Variants in DTNA observed in about 807,000 individuals in gnomAD.
DTNA encodes dystrobrevin alpha, also known as dystrophin-related protein 3.
A neutral mutation model predicts 100.7 loss-of-function variants in DTNA; 43 were observed. The observed-to-expected ratio is 0.43, with a 90% CI of 0.33 to 0.55. The LOEUF (loss-of-function observed/expected upper bound fraction) is 0.55, where lower values mean the gene tolerates loss of function less well. Ranked by LOEUF, DTNA falls within the 20% of genes least tolerant of loss-of-function variation. The pLI, the probability that DTNA is intolerant of heterozygous loss-of-function variation, is 0.04. For synonymous variants in DTNA, 349 were observed against 347.9 expected (o/e 1.00, Z -0.04); for missense variants, 798 against 953.9 (o/e 0.84, Z 2.15).
intron 15 of DTNA, among the ~76,000 whole-genome samples, chr18:34,857,500 G>A (rs564923132): frequency 6.6e-6 from 1 of 152,238 alleles, no homozygotes; most frequent in Non-Finnish European, 1.5e-5. Context: ...TGCCTTGCCA[G>A]GTCACATATC....
chr18:34,846,505 T>C (rs2096381115), intron 13 of DTNA, among the ~76,000 whole-genome samples: 1 of 152,088 alleles, frequency 6.6e-6, no homozygotes. Flanking sequence ...AGTTGTTAGA[T>C]AAGGAAATTC....
intron 3 of DTNA, among the ~76,000 whole-genome samples, chr18:34,770,786 T>TTTC (rs1488405287): frequency 8.5e-6 from 1 of 118,094 alleles, no homozygotes; most frequent in African/African-American, 2.8e-5. Context: ...ATTATATTCT[T>TTTC]TTTTTTTTTT....
chr18:34,660,113 G>A (rs923419379), intron 1 of DTNA, among the ~76,000 whole-genome samples: 1 of 152,180 alleles, frequency 6.6e-6, no homozygotes, highest in African/African-American at 2.4e-5. Context: ...TGACATTTGA[G>A]CTACAGGCAT....
intron 16 of DTNA, among the ~76,000 whole-genome samples, chr18:34,862,291 C>A: frequency 6.6e-6 from 1 of 151,704 alleles, no homozygotes; most frequent in Non-Finnish European, 1.5e-5. Flanking sequence ...TGTTTCTCAT[C>A]CTCTGGATTC....
chr18:34,740,736 C>T (rs554033524), intron 1 of DTNA, among the ~76,000 whole-genome samples: 41 of 151,602 alleles, frequency 2.7e-4, no homozygotes, highest in African/African-American at 9.2e-4. Flanking sequence ...GTCAAGGCTG[C>T]AATGAACTAT....
chr18:34,609,121 A>T (rs2053700186), intron 1 of DTNA, among the ~76,000 whole-genome samples: 1 of 152,196 alleles, frequency 6.6e-6, no homozygotes, highest in Non-Finnish European at 1.5e-5. Context: ...AAGCCCACAC[A>T]ATTCTCATAG....
At chr18:34,504,698 T>C (rs761688456) in intron 1 of DTNA, among the ~76,000 whole-genome samples, 2 of 152,354 alleles carry the variant, frequency 1.3e-5, no homozygotes, top group Non-Finnish European at 2.9e-5. Context: ...GAAAATCCAT[T>C]GTCATTCTAA....
At chr18:34,525,987 T>C (rs2145357792) in intron 1 of DTNA, among the ~76,000 whole-genome samples, 1 of 152,248 alleles carries the variant, frequency 6.6e-6, no homozygotes, top group South Asian at 2.1e-4. Context: ...TGTCCTAGAA[T>C]TGTAAGGGCA....
intron 1 of DTNA, among the ~76,000 whole-genome samples, chr18:34,529,910 A>G (rs901009363): frequency 6.6e-6 from 1 of 152,120 alleles, no homozygotes; most frequent in African/African-American, 2.4e-5. Flanking sequence ...TCTCTTAACC[A>G]AAGTTTTAGT....
chr18:34,619,845 AGT>A (rs1480761794), intron 1 of DTNA, among the ~76,000 whole-genome samples: 23 of 152,340 alleles, frequency 1.5e-4, no homozygotes, highest in South Asian at 8.3e-4. Context: ...GAGCAGTATG[AGT>A]TATCCCAAGA....
chr18:34,766,794 ATTTAAG>A (rs947942517), intron 3 of DTNA, among the ~76,000 whole-genome samples: 1 of 152,252 alleles, frequency 6.6e-6, no homozygotes, highest in African/African-American at 2.4e-5. Flanking sequence ...TTTGGAAAAC[ATTTAAG>A]TTTTTTTCTG....
At chr18:34,497,086 T>C (rs1448768643) in intron 1 of DTNA, among the ~76,000 whole-genome samples, 1 of 152,258 alleles carries the variant, frequency 6.6e-6, no homozygotes, top group African/African-American at 2.4e-5. Flanking sequence ...TTAGGTTTAA[T>C]GTAATATAGT....
At chr18:34,883,293 C>G (rs2052384426) in intron 21 of DTNA, among the ~76,000 whole-genome samples, 1 of 151,726 alleles carries the variant, frequency 6.6e-6, no homozygotes. Flanking sequence ...TCTGCACATT[C>G]TTTTGTTTTT....
At chr18:34,755,592 T>C in intron 1 of DTNA, 1 of 246,368 alleles carries the variant, frequency 4.1e-6, no homozygotes, top group South Asian at 5.2e-5. Flanking sequence ...TTTCATCATC[T>C]GTTGAATGGG....
At chr18:34,671,281 G>T (rs988023954) in intron 1 of DTNA, among the ~76,000 whole-genome samples, 16 of 152,186 alleles carry the variant, frequency 1.1e-4, no homozygotes, top group African/African-American at 3.9e-4. Context: ...CATTGGAAAA[G>T]TGCAGTATTA....
chr18:34,753,361 A>ATTTTTTTTTTT (rs751756097), intron 1 of DTNA, among the ~76,000 whole-genome samples: 4 of 96,888 alleles, frequency 4.1e-5, no homozygotes, highest in African/African-American at 2.1e-4. Context: ...TTATTTATTT[A>ATTTTTTTTTTT]TTTTATTTTT....
intron 6 of DTNA, 121 bp downstream of exon 6, chr18:34,812,234 T>C: frequency 1.4e-6 from 2 of 1,414,806 alleles, no homozygotes; most frequent in South Asian, 2.5e-5. Flanking sequence ...ACCTGTATTG[T>C]ATTTTTCAGC....
At chr18:34,737,613 T>C (rs1328109949) in intron 1 of DTNA, among the ~76,000 whole-genome samples, 1 of 152,164 alleles carries the variant, frequency 6.6e-6, no homozygotes, top group East Asian at 1.9e-4. Flanking sequence ...TTCCAGCCCT[T>C]CCAGGTCAAA....
intron 1 of DTNA, among the ~76,000 whole-genome samples, chr18:34,712,123 A>G (rs938951891): frequency 2.6e-5 from 4 of 152,098 alleles, no homozygotes; most frequent in Admixed American, 2.6e-4. Flanking sequence ...ATGTTTTATT[A>G]AAAGAAAAAT....
Sources: allele counts gnomAD v4.1 joint callset (sites outside exome capture counted in the v4.1 genomes callset), GRCh38; gene constraint gnomAD v4.1.1; transcripts MANE v1.5; gene names NCBI Gene and HGNC (gene_info 2026-07-23, HGNC 2026-07-21).